Variants in SIPA1L2 observed in about 807,000 individuals in gnomAD.
SIPA1L2 encodes the protein signal induced proliferation associated 1 like 2, also known as signal-induced proliferation-associated 1-like protein 2.
A neutral mutation model predicts 163.9 loss-of-function variants in SIPA1L2; 56 were observed. The ratio of observed to expected loss-of-function variants is 0.34; its 90% CI spans 0.28 to 0.43. The LOEUF (loss-of-function observed/expected upper bound fraction) is 0.43. Among genes scored for constraint, SIPA1L2 ranks in the 20% least tolerant of loss-of-function variants. The pLI is 1.00. For synonymous variants in SIPA1L2, 877 were observed against 865.7 expected (o/e 1.01, Z -0.23); for missense variants, 1,974 against 2,193.5 (o/e 0.90, Z 2.00).
At chr1:232,458,518 T>C (rs4649378) in intron 10 of SIPA1L2, among the ~76,000 whole-genome samples, 16,442 of 152,190 alleles carry the variant, frequency 0.11, 2,060 homozygotes, top group East Asian at 0.58. Flanking sequence ...CTTTAAAAAT[T>C]TCTTACTAAC....
At chr1:232,617,325 G>A (rs12058213) in intron 1 of SIPA1L2, among the ~76,000 whole-genome samples, 1,975 of 152,302 alleles carry the variant, frequency 0.013, 32 homozygotes, top group African/African-American at 0.037. Context: ...GAGACCCAGT[G>A]GGGAAACTGC....
At chr1:232,563,562 C>G (rs765494566) in intron 2 of SIPA1L2, among the ~76,000 whole-genome samples, 9 of 152,148 alleles carry the variant, frequency 5.9e-5, no homozygotes, top group Non-Finnish European at 1.2e-4. Flanking sequence ...TTTCAAGTTT[C>G]CCTTACACTG....
chr1:232,490,724 A>AT, intron 5 of SIPA1L2, 150 bp downstream of exon 5: 1 of 809,322 alleles, frequency 1.2e-6, no homozygotes, highest in Non-Finnish European at 1.9e-6. Flanking sequence ...CCAAACTAGT[A>AT]TAAAAACATA....
chr1:232,619,704 ATC>A (rs1359531189), intron 1 of SIPA1L2, among the ~76,000 whole-genome samples: 2 of 152,146 alleles, frequency 1.3e-5, no homozygotes, highest in Non-Finnish European at 2.9e-5. Flanking sequence ...TAACTTGGAA[ATC>A]TTAGAATGCC....
chr1:232,619,568 C>G (rs1208916326), intron 1 of SIPA1L2, among the ~76,000 whole-genome samples: 1 of 152,186 alleles, frequency 6.6e-6, no homozygotes. Context: ...AAAGTCCCTC[C>G]GAGGACTAAA....
At chr1:232,530,007 G>C (rs1667896248) in intron 2 of SIPA1L2, among the ~76,000 whole-genome samples, 1 of 152,190 alleles carries the variant, frequency 6.6e-6, no homozygotes, top group Admixed American at 6.5e-5. Flanking sequence ...GGTGATTAAA[G>C]CATAACTTCT....
chr1:232,473,606 T>C (rs1388497979), intron 7 of SIPA1L2, among the ~76,000 whole-genome samples: 3 of 152,246 alleles, frequency 2.0e-5, no homozygotes. Flanking sequence ...CACAGGACTA[T>C]TTAAAGCACA....
intron 2 of SIPA1L2, among the ~76,000 whole-genome samples, chr1:232,554,657 C>T (rs765774366): frequency 3.9e-5 from 6 of 152,204 alleles, no homozygotes; most frequent in African/African-American, 7.2e-5. Context: ...TTGACACTGT[C>T]ACACACGTGC....
intron 22 of SIPA1L2, among the ~76,000 whole-genome samples, chr1:232,401,317 T>C (rs1660325274): frequency 6.6e-6 from 1 of 152,234 alleles, no homozygotes; most frequent in East Asian, 1.9e-4. Context: ...TCACCCAAGC[T>C]GGGGAAAAAA....
At chr1:232,543,225 A>G (rs1183192965) in intron 2 of SIPA1L2, among the ~76,000 whole-genome samples, 1 of 152,228 alleles carries the variant, frequency 6.6e-6, no homozygotes, top group Non-Finnish European at 1.5e-5. Flanking sequence ...CTATCTAACT[A>G]GTAATCGAAA....
At chr1:232,581,293 T>C (rs908229782) in intron 1 of SIPA1L2, among the ~76,000 whole-genome samples, 6 of 152,156 alleles carry the variant, frequency 3.9e-5, no homozygotes, top group African/African-American at 1.4e-4. Context: ...CAAGGTCATA[T>C]ACGGTTTTCT....
In SIPA1L2 at chr1:232,465,035, C is replaced by T. The variant is rs1023747953; in HGVS notation, c.2625G>A (p.Gly875=). Residue 875 remains glycine (G), a synonymous_variant, in exon 9 of 23, where the codon GGG becomes GGA. Transcript: ENST00000674635. The surrounding 1 kb of genome is among the most constrained non-coding windows in gnomAD (Gnocchi z 4.1). ...TCAACATGATGAACTCATTGGAGAT[C>T]CCGAGAAGACATTCAATGTCAGCAG... ...GQSADIECLL[G]ISNEFIMLIE... is the part of the protein sequence containing the mutation. The T allele has an allele frequency of 6.2e-7, 1 of 1,614,042 alleles. No homozygotes were observed. Among genetic ancestry groups the T allele is most frequent in the African/African-American group, 1.3e-5 (1 of 74,934 alleles).
intron 1 of SIPA1L2, among the ~76,000 whole-genome samples, chr1:232,616,130 C>A (rs1662486911): frequency 6.6e-6 from 1 of 152,192 alleles, no homozygotes; most frequent in Admixed American, 6.5e-5. Flanking sequence ...CATGTCTGAT[C>A]TATCCAAAAT....
intron 14 of SIPA1L2, 127 bp from the exon 15 acceptor site, chr1:232,439,623 G>T: frequency 9.3e-7 from 1 of 1,076,758 alleles, no homozygotes; most frequent in Non-Finnish European, 1.3e-6. Context: ...TTCAATGTGG[G>T]CAATGACAGG....
At chr1:232,421,182 A>G (rs768322895) in intron 18 of SIPA1L2, among the ~76,000 whole-genome samples, 6 of 152,084 alleles carry the variant, frequency 3.9e-5, no homozygotes, top group Non-Finnish European at 8.8e-5. Flanking sequence ...TCTGGAGAAG[A>G]CACTTCTCCG....
intron 1 of SIPA1L2, among the ~76,000 whole-genome samples, chr1:232,627,051 GA>G (rs141933228): frequency 3.0e-4 from 44 of 147,072 alleles, no homozygotes; most frequent in South Asian, 4.3e-4. Flanking sequence ...AAAACAGAAA[GA>G]AAAAAAAAAG....
Position 232,399,246 on chromosome 1 carries a change from C to T in SIPA1L2, c.5050G>A (p.Ala1684Thr). The T allele has an allele frequency of 6.2e-7, 1 of 1,613,600 alleles. No individual in the cohort carries two copies. The highest frequency in any genetic ancestry group is 8.5e-7 in the Non-Finnish European group (1 of 1,179,966). Residue 1684 changes from alanine (A) to threonine (T), a missense_variant, in exon 23 of 23, where the codon GCA becomes ACA. Coordinates refer to ENST00000674635, the MANE Select transcript of SIPA1L2 (RefSeq NM_020808.5). ...TCCTGTCTCAGGTGCTGCACTTCTG[C>T]TTGGAGAACGGCCTTGTCTTGTTTT... Reference protein sequence around the residue: ...KEKQDKAVLQAEVQHLRQDNM... With the variant: ...KEKQDKAVLQTEVQHLRQDNM...
At chr1:232,482,271 C>A (rs1186634361) in intron 6 of SIPA1L2, among the ~76,000 whole-genome samples, 3 of 152,066 alleles carry the variant, frequency 2.0e-5, no homozygotes, top group Non-Finnish European at 2.9e-5. Flanking sequence ...ACAGGTGACA[C>A]AGATCAGAAA....
chr1:232,467,646 A>ACCG (rs1169509846), intron 8 of SIPA1L2, among the ~76,000 whole-genome samples: 3 of 152,182 alleles, frequency 2.0e-5, no homozygotes, highest in Non-Finnish European at 4.4e-5. Flanking sequence ...CCAATGTATC[A>ACCG]CCGCTCCTAA....
Sources: allele counts gnomAD v4.1 joint callset (sites outside exome capture counted in the v4.1 genomes callset), GRCh38; gene constraint gnomAD v4.1.1; non-coding constraint Gnocchi (gnomAD v3.1); transcripts MANE v1.5; gene names NCBI Gene and HGNC (gene_info 2026-07-23, HGNC 2026-07-21).